Variants in BRD8 observed in about 807,000 individuals in gnomAD.
BRD8 encodes the protein bromodomain containing 8, also known as bromodomain-containing protein 8.
A neutral mutation model predicts 143.1 loss-of-function variants in BRD8; 67 were observed. That is an observed-to-expected ratio of 0.47 (90% CI 0.38 to 0.57). The LOEUF (loss-of-function observed/expected upper bound fraction) is 0.57, where lower values mean the gene tolerates loss of function less well. Among genes scored for constraint, BRD8 ranks in the 20% least tolerant of loss-of-function variants. The pLI is 0.00. For synonymous variants in BRD8, 505 were observed against 517.1 expected (o/e 0.98, Z 0.32); for missense variants, 1,103 against 1,503.0 (o/e 0.73, Z 4.40).
In BRD8 at chr5:138,169,274, T is replaced by G. The variant is rs1418036897; in HGVS notation, c.590A>C (p.Asp197Ala). The change falls in exon 8 of 27, where the codon GAT becomes GCT. Residue 197 changes from aspartate (D) to alanine (A), a missense_variant. Around this residue, in one of 7 missense-constraint regions of BRD8, gnomAD observed 334 missense variants for 372.5 expected, o/e 0.90. Transcript: ENST00000254900. Reference sequence around the variant, plus strand: ...TGGAGTCAAGTCCCCAAGTGGATAATCACCTCCTGGGGAGGCAGAATCTAT... The same window carrying G: ...TGGAGTCAAGTCCCCAAGTGGATAAGCACCTCCTGGGGAGGCAGAATCTAT... ...SPIDSASPGG[D>A]YPLGDLTPTT... 1.2e-6 allele frequency: 2 copies of G among 1,613,970 alleles called. No homozygotes were observed. The highest frequency in any genetic ancestry group is 3.3e-5 in the Admixed American group (2 of 60,004).
At chr5:138,153,235 C>G (rs991708657) in intron 20 of BRD8, among the ~76,000 whole-genome samples, 20 of 152,158 alleles carry the variant, frequency 1.3e-4, no homozygotes, top group African/African-American at 4.6e-4. Context: ...TTAGGATTGC[C>G]TTTGGCATCC....
chr5:138,166,574 G>A lies in BRD8; in HGVS notation c.941C>T (p.Ala314Val), dbSNP rs762213740. 1.2e-5 allele frequency: 20 copies of A among 1,613,828 alleles called. No individual in the cohort carries two copies. Among genetic ancestry groups the A allele is most frequent in the African/African-American group, 6.7e-5 (5 of 74,908 alleles). Residue 314 changes from alanine to valine, a missense_variant, in exon 10 of 27, where the codon GCG (alanine) becomes GTG (valine). Ala to Val is a moderately conservative substitution (Grantham distance 64). This residue lies in a region of BRD8 where 334 missense variants were observed against 372.5 expected (regional missense o/e 0.90). Transcript: ENST00000254900. ...VSQATIVMMP[A>V]LPAPSSAPAV... ...CGGAGCAGAGGATGGTGCTGGCAGC[G>A]CAGGCATCATGACAATGGTAGCTTG...
At position 138,145,871 on chromosome 5, in the gene BRD8, G is replaced by T; in HGVS notation, c.3286C>A (p.Leu1096Ile). 1 of 1,613,482 alleles carries T rather than the reference G, an allele frequency of 6.2e-7. No homozygotes were observed. The highest frequency in any genetic ancestry group is 1.3e-5 in the African/African-American group (1 of 75,008). The change falls in exon 24 of 27, where the codon CTA becomes ATA. Residue 1096 changes from leucine to isoleucine, a missense_variant. Transcript: ENST00000254900. ...SHATSSKLTD[L>I]SQDDPVQDHL... is the part of the protein sequence containing the mutation. ...TCCTGAACAGGGTCATCCTGGCTTA[G>T]ATCAGTCCTATGAGGATAAAACATG...
intron 25 of BRD8, 151 bp downstream of exon 25, chr5:138,145,026 A>G (rs1752092834): frequency 2.7e-6 from 2 of 754,054 alleles, no homozygotes; most frequent in Non-Finnish European, 2.2e-6. Flanking sequence ...TGAAGATATG[A>G]TACTGAGCTC....
Position 138,140,812 on chromosome 5 carries a change from G to C in BRD8, c.3508C>G (p.Arg1170Gly), listed in dbSNP as rs138420980. Residue 1170 changes from arginine (R) to glycine (G), a missense_variant, in exon 26 of 27, where the codon CGA (arginine) becomes GGA (glycine). Transcript: ENST00000254900. ...GRIRTMAQFLRDLMLMFQNAV... is the reference protein window; with the variant it reads ...GRIRTMAQFLGDLMLMFQNAV... ...TTTTGGAACATCAGCATCAGGTCTC[G>C]CAGGAATTGGGCCATGGTGCGAATC... 1.2e-6 allele frequency: 2 copies of C among 1,613,976 alleles called. No individual in the cohort carries two copies. Among genetic ancestry groups the C allele is most frequent in the Non-Finnish European group, 1.7e-6 (2 of 1,180,018 alleles).
intron 11 of BRD8, 94 bp from the exon 12 acceptor site, chr5:138,165,260 G>A: frequency 7.4e-7 from 1 of 1,343,300 alleles, no homozygotes; most frequent in Non-Finnish European, 1.0e-6. Context: ...TGAATCTGCA[G>A]CTTTTCGCTC....
intron 25 of BRD8, among the ~76,000 whole-genome samples, chr5:138,143,449 A>T (rs975133399): frequency 6.6e-6 from 1 of 152,196 alleles, no homozygotes; most frequent in Non-Finnish European, 1.5e-5. Context: ...ACTGCACTCC[A>T]GCAACAGAGT....
intron 13 of BRD8, 50 bp from the exon 14 acceptor site, chr5:138,164,183 C>T (rs1753219832): frequency 3.1e-6 from 5 of 1,599,786 alleles, no homozygotes; most frequent in Non-Finnish European, 4.3e-6. Context: ...TTAGCCTTCC[C>T]CTTCCTATGG....
At chr5:138,142,517 C>A (rs953445045) in intron 25 of BRD8, among the ~76,000 whole-genome samples, 1 of 152,120 alleles carries the variant, frequency 6.6e-6, no homozygotes, top group Non-Finnish European at 1.5e-5. Flanking sequence ...GTAATCCCAG[C>A]ACTTTGGGAG....
chr5:138,167,598 G>A (rs983859273), intron 9 of BRD8: 3 of 230,488 alleles, frequency 1.3e-5, no homozygotes, highest in African/African-American at 6.9e-5. Flanking sequence ...TGGCAGGCCT[G>A]AGATTCAAGC....
At position 138,152,643 on chromosome 5, in the gene BRD8, C is replaced by G. The variant is rs999408030; in HGVS notation, c.2695G>C (p.Gly899Arg). 1.2e-6 allele frequency: 2 copies of G among 1,614,042 alleles called. No individual in the cohort carries two copies. The highest frequency in any genetic ancestry group is 2.7e-5 in the African/African-American group (2 of 74,918). The change falls in exon 21 of 27, where the codon GGC becomes CGC. Residue 899 changes from glycine (G) to arginine (R), a missense_variant. This residue lies in a region of BRD8 where 369 missense variants were observed against 445.5 expected (regional missense o/e 0.83). Coordinates refer to ENST00000254900, the MANE Select transcript of BRD8 (RefSeq NM_139199.2). Reference sequence around the variant, plus strand: ...GGATCCTCAGTTTCCCTCCAGTTGCCCACATCAAGATCCAGACTGGAGTCC... The same window carrying G: ...GGATCCTCAGTTTCCCTCCAGTTGCGCACATCAAGATCCAGACTGGAGTCC... Reference protein sequence around the residue: ...SWDSSLDLDVGNWRETEDPEA... With the variant: ...SWDSSLDLDVRNWRETEDPEA...
chr5:138,159,927 C>T (rs1425305943), intron 19 of BRD8, 142 bp downstream of exon 19: 1 of 669,658 alleles, frequency 1.5e-6, no homozygotes, highest in Non-Finnish European at 2.6e-6. Context: ...TGGGTGCAAA[C>T]CACCATCATT....
At position 138,162,687 on chromosome 5, in the gene BRD8, A is replaced by T. The variant is rs189800042; in HGVS notation, c.2087+443T>A. On this transcript the variant is annotated intron_variant, in intron 15 of 26. Coordinates refer to ENST00000254900, the MANE Select transcript of BRD8 (RefSeq NM_139199.2). ...TCCTGTCCCTTAAAAAAATTTTTTT[A>T]AAATAAAAATTTAAAAATAAAGAAA... 3.5e-3 allele frequency among the ~76,000 whole-genome samples: 528 copies of T among 152,062 alleles called. 1 individual carries two copies. The highest frequency in any genetic ancestry group is 5.2e-3 in the South Asian group (25 of 4,822).
intron 17 of BRD8, 96 bp downstream of exon 17, chr5:138,161,700 T>TA: frequency 7.9e-6 from 10 of 1,267,120 alleles, no homozygotes; most frequent in Non-Finnish European, 1.1e-5. Flanking sequence ...ACCATAAACT[T>TA]ACTTGCTTTA....
chr5:138,166,794 TTG>T, intron 9 of BRD8, 67 bp from the exon 10 acceptor site: 1 of 952,542 alleles, frequency 1.0e-6, no homozygotes, highest in Non-Finnish European at 1.7e-6. Context: ...CAATAGCTAC[TTG>T]AAGACTCAAC....
rs1415377821 is a variant in BRD8, at chr5:138,145,250, T to C, written c.3369-5A>G. On this transcript the variant is annotated splice_region_variant and splice_polypyrimidine_tract_variant and intron_variant, in intron 24 of 26. Transcript: ENST00000254900. ...TTCAGAAATGGACTGCTGAACCTGTTAAGGGACAAACCCAGAGAGGATAAA... is the reference window on the plus strand; with the variant it reads ...TTCAGAAATGGACTGCTGAACCTGTCAAGGGACAAACCCAGAGAGGATAAA... 6.2e-7 allele frequency: 1 copy of C among 1,613,624 alleles called. No individual in the cohort carries two copies. The highest frequency in any genetic ancestry group is 1.3e-5 in the African/African-American group (1 of 74,900).
chr5:138,151,866 T>A (rs2151186111), intron 21 of BRD8, among the ~76,000 whole-genome samples: 1 of 151,784 alleles, frequency 6.6e-6, no homozygotes, highest in East Asian at 1.9e-4. Flanking sequence ...ATTAATTTAT[T>A]TATTTAGAGA....
intron 25 of BRD8, among the ~76,000 whole-genome samples, chr5:138,142,714 G>A (rs930739191): frequency 7.3e-6 from 1 of 137,900 alleles, no homozygotes; most frequent in Non-Finnish European, 1.5e-5. Context: ...AGTGAGCCGA[G>A]ATCTCATCAC....
In BRD8 at chr5:138,146,969, CAAAAA is replaced by C. The variant is rs60597015; in HGVS notation, c.3279-1096_3279-1092del. On this transcript the variant is annotated intron_variant, in intron 23 of 26. Transcript: ENST00000254900. ...TGGGCGACCGAGCGAAACTCCGTCT[CAAAAA>C]AAAAAAAAAAAAAAAAAAGTCTCAG... 3.1e-4 allele frequency among the ~76,000 whole-genome samples: 15 copies of C among 49,056 alleles called. No homozygotes were observed. In the East Asian group the frequency reaches 9.6e-3, roughly 31 times the overall value. The allele number at this position is 49,056 out of a possible 152,430, so 32.2% of individuals were successfully genotyped here. A position where few individuals can be genotyped will look rare whatever the true frequency, so the allele number is the denominator to read the frequency against.
Sources: allele counts gnomAD v4.1 joint callset (sites outside exome capture counted in the v4.1 genomes callset), GRCh38; gene constraint gnomAD v4.1.1; regional missense constraint gnomAD v4.1.1; transcripts MANE v1.5; gene names NCBI Gene and HGNC (gene_info 2026-07-23, HGNC 2026-07-21).